Variants in SLC66A1 observed in about 807,000 individuals in gnomAD.
SLC66A1 encodes the protein lysosomal amino acid transporter 1 homolog.
Under a neutral mutation model 33.0 loss-of-function variants are expected in SLC66A1, and 23 were observed. That is an observed-to-expected ratio of 0.70 (90% CI 0.50 to 0.99). SLC66A1 has a LOEUF of 0.99. Ranked by LOEUF, SLC66A1 falls within the 50% of genes least tolerant of loss-of-function variation. The pLI, the probability that SLC66A1 is intolerant of heterozygous loss-of-function variation, is 0.00. For missense variants in SLC66A1, 335 were observed against 383.6 expected, an observed-to-expected ratio of 0.87 and a Z score of 1.06; for synonymous variants, 164 against 175.5, an observed-to-expected ratio of 0.93 and a Z score of 0.52.
In SLC66A1 at chr1:19,329,263, A is replaced by C. The variant is rs1267715458; in HGVS notation, c.*620A>C. ...CAGAGTGAGACTCCGTCTCAAAAAA[A>C]TAAAAAAGATAACCGAGGAAACGGT... On this transcript the variant is annotated 3_prime_UTR_variant, in exon 8 of 8. Coordinates refer to ENST00000375153, the MANE Select transcript of SLC66A1 (RefSeq NM_001040125.2). 6.5e-6 allele frequency: 1 copy of C among 152,918 alleles called. No homozygotes were observed. The highest frequency in any genetic ancestry group is 1.5e-5 in the Non-Finnish European group (1 of 68,570). The allele number at this position is 152,918 out of a possible 1,614,324, so 9.5% of individuals were successfully genotyped here.
At chr1:19,323,813 C>T (rs946252491) in intron 2 of SLC66A1, among the ~76,000 whole-genome samples, 1 of 152,180 alleles carries the variant, frequency 6.6e-6, no homozygotes, top group Non-Finnish European at 1.5e-5. Context: ...AGAGCAAGAC[C>T]GGAGGCTCAG....
intron 1 of SLC66A1, among the ~76,000 whole-genome samples, chr1:19,316,044 C>T (rs148815551): frequency 1.2e-3 from 186 of 152,336 alleles, no homozygotes; most frequent in African/African-American, 4.3e-3. Context: ...CCGAGCCTCA[C>T]TTTCCCTCCC....
intron 2 of SLC66A1, among the ~76,000 whole-genome samples, chr1:19,319,277 T>C (rs1436588132): frequency 5.9e-5 from 9 of 152,118 alleles, no homozygotes; most frequent in Admixed American, 4.6e-4. Context: ...CCATCAGCAG[T>C]CATTCTTCAT....
At chr1:19,330,442 A>G (rs1470124793), downstream of SLC66A1, among the ~76,000 whole-genome samples, 2 of 152,076 alleles carry the variant, frequency 1.3e-5, no homozygotes, top group Non-Finnish European at 2.9e-5. Flanking sequence ...TGTGTCAGAC[A>G]CCGGGGCTGT....
At position 19,324,623 on chromosome 1, in the gene SLC66A1, T is replaced by C. The variant is rs760173707; in HGVS notation, c.165-10T>C. The C allele has an allele frequency of 3.1e-6, 5 of 1,614,068 alleles. No homozygotes were observed. Among genetic ancestry groups the C allele is most frequent in the Non-Finnish European group, 4.2e-6 (5 of 1,179,910 alleles). ...CTGAGCATGCATCCCTTCCTCTTCC[T>C]CTTCCACAGCCAGTTCATCAAAGCC... is the stretch of plus-strand genomic sequence containing the variant. On this transcript the variant is annotated splice_polypyrimidine_tract_variant and intron_variant, in intron 2 of 7. Transcript: ENST00000375153.
chr1:19,320,610 T>C (rs557511205), intron 2 of SLC66A1, among the ~76,000 whole-genome samples: 1 of 150,664 alleles, frequency 6.6e-6, no homozygotes, highest in East Asian at 2.0e-4. Flanking sequence ...AGAGACGGGG[T>C]TTCACCGTGT....
chr1:19,325,635 T>A, intron 4 of SLC66A1, 53 bp downstream of exon 4: 1 of 529,504 alleles, frequency 1.9e-6, no homozygotes, highest in South Asian at 3.0e-5. Context: ...CAGGGGGCAG[T>A]TGTGGGGGGG....
chr1:19,325,621 GCA>G, intron 4 of SLC66A1, 39 bp downstream of exon 4: 1 of 1,177,388 alleles, frequency 8.5e-7, no homozygotes, highest in Non-Finnish European at 1.2e-6. Flanking sequence ...TGCTCTACCA[GCA>G]GCAGGGGGCA....
intron 2 of SLC66A1, among the ~76,000 whole-genome samples, chr1:19,320,596 T>A (rs2093830512): frequency 6.6e-6 from 1 of 151,432 alleles, no homozygotes; most frequent in African/African-American, 2.4e-5. Flanking sequence ...TGTATTTTTT[T>A]AGTAGAGACG....
chr1:19,327,949 G>C, intron 7 of SLC66A1: 1 of 264,212 alleles, frequency 3.8e-6, no homozygotes, highest in South Asian at 4.0e-5. Context: ...CTCCTCCCCT[G>C]CTTCCTAGCT....
chr1:19,317,579 C>G, intron 1 of SLC66A1, 21 bp from the exon 2 acceptor site: 1 of 1,525,630 alleles, frequency 6.6e-7, no homozygotes, highest in Non-Finnish European at 8.8e-7. Context: ...TGCTGAAAGC[C>G]TCCTCCCTTC....
chr1:19,329,332 C>G (rs536831305), downstream of SLC66A1: 3 of 152,868 alleles, frequency 2.0e-5, no homozygotes, highest in Admixed American at 2.0e-4. Flanking sequence ...CCCCAAGGTG[C>G]TGAGGGATCG....
At chr1:19,324,323 C>T (rs984757194) in intron 2 of SLC66A1, among the ~76,000 whole-genome samples, 1 of 152,254 alleles carries the variant, frequency 6.6e-6, no homozygotes, top group Non-Finnish European at 1.5e-5. Context: ...CAGGACCCTA[C>T]ATAAGCCCCA....
downstream of SLC66A1, among the ~76,000 whole-genome samples, chr1:19,329,470 G>C (rs214317): frequency 0.013 from 1,911 of 152,184 alleles, 47 homozygotes; most frequent in African/African-American, 0.044. Context: ...CTGCTTCTCC[G>C]GGCCCTTTCC....
downstream of SLC66A1, among the ~76,000 whole-genome samples, chr1:19,331,672 A>T (rs1288908104): frequency 6.6e-6 from 1 of 152,144 alleles, no homozygotes; most frequent in Non-Finnish European, 1.5e-5. Context: ...TGCCAGCTAG[A>T]TGTCTCGCTC....
chr1:19,315,123 G>A (rs909671907), intron 1 of SLC66A1, among the ~76,000 whole-genome samples: 4 of 152,216 alleles, frequency 2.6e-5, no homozygotes, highest in Admixed American at 2.0e-4. Flanking sequence ...TGGCCAGGCT[G>A]TTCTCCAGCT....
chr1:19,319,808 CA>C (rs541657769), intron 2 of SLC66A1, among the ~76,000 whole-genome samples: 22 of 149,714 alleles, frequency 1.5e-4, no homozygotes, highest in African/African-American at 5.1e-4. Context: ...GAGGCTGAGG[CA>C]GGGGAATTGC....
intron 3 of SLC66A1, among the ~76,000 whole-genome samples, chr1:19,325,064 G>A (rs1165434822): frequency 6.6e-6 from 1 of 152,230 alleles, no homozygotes; most frequent in African/African-American, 2.4e-5. Flanking sequence ...GGCCCCTCGA[G>A]GAGAAAGGGA....
chr1:19,313,955 A>G (rs2093791733), intron 1 of SLC66A1, among the ~76,000 whole-genome samples: 1 of 152,174 alleles, frequency 6.6e-6, no homozygotes, highest in African/African-American at 2.4e-5. Context: ...TTAAACCCAG[A>G]ATCTCTAAGC....
Sources: gnomAD v4.1 joint callset for allele counts (sites outside exome capture counted in the v4.1 genomes callset) on GRCh38, gnomAD v4.1.1 for gene constraint, MANE v1.5 for transcripts, NCBI Gene and HGNC (gene_info 2026-07-23, HGNC 2026-07-21) for gene names.